KCND2: variants seen among roughly 807,000 people sequenced by gnomAD.
KCND2 encodes the protein A-type voltage-gated potassium channel KCND2.
A neutral mutation model predicts 54.4 loss-of-function variants in KCND2; 16 were observed. The ratio of observed to expected loss-of-function variants is 0.29; its 90% CI spans 0.20 to 0.45. KCND2 has a LOEUF of 0.45. KCND2 is among the 20% of genes least tolerant of loss of function. The probability of loss-of-function intolerance (pLI) is 1.00; values close to 1 mark genes in which losing one functional copy is unlikely to be tolerated. For missense variants in KCND2, 486 were observed against 824.2 expected, an observed-to-expected ratio of 0.59 and a Z score of 5.02; for synonymous variants, 317 against 310.7, an observed-to-expected ratio of 1.02 and a Z score of -0.21.
chr7:120,706,485 G>T (rs572266043), intron 1 of KCND2, among the ~76,000 whole-genome samples: 1 of 152,148 alleles, frequency 6.6e-6, no homozygotes. Flanking sequence ...AGGCAGAAGG[G>T]CAAGCTAGCC....
intron 1 of KCND2, among the ~76,000 whole-genome samples, chr7:120,524,928 A>C (rs1791755056): frequency 6.6e-6 from 1 of 152,154 alleles, no homozygotes; most frequent in Admixed American, 6.6e-5. Context: ...TGAGGACCTC[A>C]CACTCTTGTT....
intron 1 of KCND2, among the ~76,000 whole-genome samples, chr7:120,302,059 C>A (rs1173848540): frequency 6.6e-6 from 1 of 152,100 alleles, no homozygotes; most frequent in Non-Finnish European, 1.5e-5. Context: ...CTGTGAGATC[C>A]TATCATCTAC....
intron 1 of KCND2, among the ~76,000 whole-genome samples, chr7:120,525,162 C>T (rs1195820840): frequency 3.9e-5 from 6 of 152,144 alleles, no homozygotes; most frequent in African/African-American, 1.4e-4. Context: ...TGCCTACTAA[C>T]TCTTTCCCCA....
rs570535201 is a variant in KCND2, at chr7:120,569,852, C to G, written c.1116-163051C>G. Among the ~76,000 whole-genome samples the G allele has an allele frequency of 8.5e-5, 13 of 152,210 alleles. No individual in the cohort carries two copies. In the South Asian group the frequency reaches 2.7e-3, roughly 32 times the overall value. On this transcript the variant is annotated intron_variant, in intron 1 of 5. Transcript: ENST00000331113. ...AGGTTGATTTGTAATTGGCTGGCAG[C>G]TTGCACAAGACCACAACAGTGACAG...
chr7:120,590,989 T>C (rs1264113441), intron 1 of KCND2, among the ~76,000 whole-genome samples: 2 of 152,176 alleles, frequency 1.3e-5, no homozygotes, highest in Non-Finnish European at 2.9e-5. Context: ...AGAAAATCTA[T>C]ACTGCAGGTT....
At chr7:120,636,188 T>G (rs994102681) in intron 1 of KCND2, among the ~76,000 whole-genome samples, 1 of 152,152 alleles carries the variant, frequency 6.6e-6, no homozygotes, top group African/African-American at 2.4e-5. Flanking sequence ...TCAAAACTTA[T>G]GTGTTAGAGA....
intron 1 of KCND2, among the ~76,000 whole-genome samples, chr7:120,641,498 C>G (rs1380073406): frequency 6.6e-6 from 1 of 151,586 alleles, no homozygotes; most frequent in Non-Finnish European, 1.5e-5. Context: ...GCCTCTCCTT[C>G]CCTCTGGGTA....
rs1800758538 is a variant in KCND2 at position 120,371,125 on chromosome 7, C to T, written c.1115+95378C>T. 2.0e-5 allele frequency among the ~76,000 whole-genome samples: 3 copies of T among 152,038 alleles called. No individual in the cohort carries two copies. In the South Asian group the frequency reaches 6.2e-4, roughly 32 times the overall value. ...GAGAACATGCCACACCGTACACTTC[C>T]TCTTTAATCTTCTATCTGTAGACAG... On this transcript the variant is annotated intron_variant, in intron 1 of 5. Transcript: ENST00000331113.
At chr7:120,673,374 T>G (rs1024636025) in intron 1 of KCND2, among the ~76,000 whole-genome samples, 13 of 152,124 alleles carry the variant, frequency 8.5e-5, no homozygotes, top group African/African-American at 3.1e-4. Flanking sequence ...ATATTCATTT[T>G]ACTTCCCTCA....
intron 2 of KCND2, among the ~76,000 whole-genome samples, chr7:120,738,261 T>C (rs939022527): frequency 6.6e-6 from 1 of 152,042 alleles, no homozygotes; most frequent in Non-Finnish European, 1.5e-5. Context: ...GGAACCTGTT[T>C]AACACCTCAG....
chr7:120,630,581 A>G (rs932759880), intron 1 of KCND2, among the ~76,000 whole-genome samples: 6 of 152,270 alleles, frequency 3.9e-5, no homozygotes, highest in South Asian at 2.1e-4. Context: ...TGGGGAAAAC[A>G]TAGTTAATAC....
At chr7:120,418,921 C>T (rs1040676939) in intron 1 of KCND2, among the ~76,000 whole-genome samples, 3 of 152,056 alleles carry the variant, frequency 2.0e-5, no homozygotes, top group African/African-American at 4.8e-5. Flanking sequence ...GCGAGAAATT[C>T]AGTGGAAAAA....
At chr7:120,501,847 T>G (rs1802940122) in intron 1 of KCND2, among the ~76,000 whole-genome samples, 2 of 152,226 alleles carry the variant, frequency 1.3e-5, no homozygotes, top group African/African-American at 4.8e-5. Flanking sequence ...AAATTTAATT[T>G]TCGTTAAATA....
chr7:120,653,624 A>G (rs574351966), intron 1 of KCND2, among the ~76,000 whole-genome samples: 1 of 152,346 alleles, frequency 6.6e-6, no homozygotes, highest in Admixed American at 6.5e-5. Context: ...TCATCTTTAA[A>G]GGAGGAACAA....
intron 1 of KCND2, among the ~76,000 whole-genome samples, chr7:120,687,058 C>T (rs1792211195): frequency 6.6e-6 from 1 of 152,106 alleles, no homozygotes; most frequent in African/African-American, 2.4e-5. Flanking sequence ...TCCTACCCTG[C>T]TCATGTCTGC....
intron 1 of KCND2, among the ~76,000 whole-genome samples, chr7:120,329,207 C>T (rs746406690): frequency 4.2e-4 from 63 of 151,432 alleles, no homozygotes; most frequent in East Asian, 7.8e-4. Context: ...CTGCAACCTC[C>T]GCCTCCTGGA....
At chr7:120,483,011 G>A (rs73435891) in intron 1 of KCND2, among the ~76,000 whole-genome samples, 2,635 of 152,152 alleles carry the variant, frequency 0.017, 82 homozygotes, top group African/African-American at 0.059. Flanking sequence ...CAAGGTGAGG[G>A]GACTTGAGAA....
chr7:120,746,143 A>C (rs373098589), intron 5 of KCND2, 116 bp downstream of exon 5: 1 of 1,221,282 alleles, frequency 8.2e-7, no homozygotes, highest in Non-Finnish European at 1.2e-6. Context: ...TGGTTCAGGA[A>C]GAGACAAAAA....
rs1026985209 is a variant in KCND2 at position 120,289,065 on chromosome 7, CACACACACACACAGAG to C, written c.1115+13320_1115+13335del. 6.7e-4 allele frequency among the ~76,000 whole-genome samples: 25 copies of C among 37,080 alleles called. 1 individual carries two copies. Among genetic ancestry groups the C allele is most frequent in the South Asian group, 5.7e-3 (2 of 348 alleles). The allele number at this position is 37,080 out of a possible 152,430, so 24.3% of individuals were successfully genotyped here. On this transcript the variant is annotated intron_variant, in intron 1 of 5. Transcript: ENST00000331113. Reference sequence around the variant, plus strand: ...ACACACACACACACACACACACACACACACACACACACAGAGAGAGAGAGAGAGACTAGGAGAAAGA... The same window carrying C: ...ACACACACACACACACACACACACACAGAGAGAGAGAGACTAGGAGAAAGA...
Sources: gnomAD v4.1 joint callset for allele counts (sites outside exome capture counted in the v4.1 genomes callset) on GRCh38, gnomAD v4.1.1 for gene constraint, MANE v1.5 for transcripts, NCBI Gene and HGNC (gene_info 2026-07-23, HGNC 2026-07-21) for gene names.